PCDH15: variants seen among roughly 807,000 people sequenced by gnomAD.
PCDH15 encodes protocadherin-15.
A neutral mutation model predicts 178.5 loss-of-function variants in PCDH15; 129 were observed. The ratio of observed to expected loss-of-function variants is 0.72; its 90% CI spans 0.63 to 0.84. PCDH15 has a LOEUF of 0.84. Ranked by LOEUF, PCDH15 falls within the 40% of genes least tolerant of loss-of-function variation. The pLI is 0.00. For missense variants in PCDH15, 2,230 were observed against 2,099.9 expected (o/e 1.06, Z -1.21); for synonymous variants, 800 against 732.0 (o/e 1.09, Z -1.50).
At chr10:54,972,672 A>T (rs1397269161) in intron 2 of PCDH15, among the ~76,000 whole-genome samples, 1 of 151,700 alleles carries the variant, frequency 6.6e-6, no homozygotes, top group African/African-American at 2.4e-5. Flanking sequence ...ACATGGTGAA[A>T]CCCTGTCTCC....
At chr10:54,058,935 C>T (rs2093957809) in intron 18 of PCDH15, among the ~76,000 whole-genome samples, 2 of 152,080 alleles carry the variant, frequency 1.3e-5, no homozygotes, top group Non-Finnish European at 1.5e-5. Context: ...CTCAGATGAT[C>T]CACCCGCCTC....
chr10:54,764,051 C>T (rs1403890367), intron 1 of PCDH15, among the ~76,000 whole-genome samples: 3 of 151,530 alleles, frequency 2.0e-5, no homozygotes, highest in African/African-American at 7.3e-5. Context: ...GTCCTGGGCT[C>T]AACATGTAAT....
At chr10:55,283,458 C>A (rs552193026) in intron 1 of PCDH15, among the ~76,000 whole-genome samples, 1 of 152,132 alleles carries the variant, frequency 6.6e-6, no homozygotes, top group East Asian at 1.9e-4. Flanking sequence ...GAATTAAACT[C>A]TTTCTCTATT....
chr10:55,485,011 C>A (rs1406347540), intron 2 of PCDH15, among the ~76,000 whole-genome samples: 2 of 151,586 alleles, frequency 1.3e-5, no homozygotes, highest in South Asian at 2.1e-4. Context: ...AAAGAATAGG[C>A]AACAAAAGCA....
At chr10:55,460,644 T>C (rs540031609) in intron 2 of PCDH15, among the ~76,000 whole-genome samples, 2 of 152,186 alleles carry the variant, frequency 1.3e-5, no homozygotes, top group Non-Finnish European at 2.9e-5. Flanking sequence ...TTTTAATATA[T>C]TTATCTTCCA....
chr10:54,407,978 C>T (rs964300414), intron 3 of PCDH15, among the ~76,000 whole-genome samples: 1 of 142,650 alleles, frequency 7.0e-6, no homozygotes, highest in African/African-American at 2.6e-5. Context: ...TCACTTGAAC[C>T]CGGGAGGTGG....
chr10:54,382,911 T>C (rs369770671), intron 3 of PCDH15, among the ~76,000 whole-genome samples: 5 of 152,160 alleles, frequency 3.3e-5, no homozygotes, highest in East Asian at 3.9e-4. Flanking sequence ...CAGGATTTAA[T>C]GTCAAAAGAT....
chr10:55,369,025 A>G (rs1210202453), intron 2 of PCDH15, among the ~76,000 whole-genome samples: 4 of 150,534 alleles, frequency 2.7e-5, no homozygotes, highest in African/African-American at 9.7e-5. Context: ...AAAAAAAAAA[A>G]AAAAAAAACC....
At chr10:54,462,721 C>T (rs2077274117) in intron 3 of PCDH15, among the ~76,000 whole-genome samples, 1 of 101,574 alleles carries the variant, frequency 9.8e-6, no homozygotes, top group Non-Finnish European at 1.8e-5. Flanking sequence ...TAAGTAGAGA[C>T]AGGGTTTTGC....
At chr10:55,236,113 A>G (rs1015931749) in intron 1 of PCDH15, among the ~76,000 whole-genome samples, 5 of 151,860 alleles carry the variant, frequency 3.3e-5, no homozygotes, top group African/African-American at 1.2e-4. Context: ...TTAATTTGAA[A>G]GGTAGTTATA....
intron 11 of PCDH15, among the ~76,000 whole-genome samples, chr10:54,189,025 A>T (rs1429399075): frequency 6.6e-6 from 1 of 152,008 alleles, no homozygotes; most frequent in Admixed American, 6.6e-5. Flanking sequence ...TTTAGAAAAA[A>T]TGCCATGATA....
At chr10:55,135,040 G>A (rs1328754849) in intron 2 of PCDH15, among the ~76,000 whole-genome samples, 1 of 152,036 alleles carries the variant, frequency 6.6e-6, no homozygotes, top group African/African-American at 2.4e-5. Context: ...TCCTATATAA[G>A]CGCCATCAGG....
chr10:54,130,959 T>C (rs924023886), intron 15 of PCDH15, among the ~76,000 whole-genome samples: 5 of 152,206 alleles, frequency 3.3e-5, no homozygotes, highest in African/African-American at 1.2e-4. Flanking sequence ...GAAAAGTACC[T>C]TCATGGTATT....
At chr10:54,043,002 AT>A (rs35445855) in intron 18 of PCDH15, among the ~76,000 whole-genome samples, 84,926 of 151,834 alleles carry the variant, frequency 0.56, 23,899 homozygotes, top group Middle Eastern at 0.69. Context: ...AGATTTTGGA[AT>A]TTGCTAATTT....
chr10:55,583,881 T>A (rs1842672264), intron 2 of PCDH15, among the ~76,000 whole-genome samples: 1 of 151,964 alleles, frequency 6.6e-6, no homozygotes, highest in African/African-American at 2.4e-5. Flanking sequence ...ATATATACAA[T>A]TTTTTTGTTT....
chr10:54,955,711 G>T (rs1166891622), intron 2 of PCDH15, among the ~76,000 whole-genome samples: 6 of 151,164 alleles, frequency 4.0e-5, no homozygotes, highest in African/African-American at 1.5e-4. Flanking sequence ...CAAATAAAAT[G>T]ATTTTGTCAT....
chr10:55,029,007 G>A (rs1438457126), intron 2 of PCDH15, among the ~76,000 whole-genome samples: 4 of 151,644 alleles, frequency 2.6e-5, no homozygotes, highest in Admixed American at 6.6e-5. Context: ...CATAAACTTG[G>A]GAAACAATTA....
At chr10:55,323,240 G>A (rs1299667465), upstream of PCDH15, among the ~76,000 whole-genome samples, 1 of 152,190 alleles carries the variant, frequency 6.6e-6, no homozygotes, top group Non-Finnish European at 1.5e-5. Flanking sequence ...TTTGCTGCAG[G>A]GACAGGACCC....
At chr10:54,021,005 T>C in intron 19 of PCDH15, among the ~76,000 whole-genome samples, 1 of 152,032 alleles carries the variant, frequency 6.6e-6, no homozygotes, top group East Asian at 1.9e-4. Flanking sequence ...GAGTAGTAGT[T>C]ACGCACAAGG....
Sources: gnomAD v4.1 joint callset for allele counts (sites outside exome capture counted in the v4.1 genomes callset) on GRCh38, gnomAD v4.1.1 for gene constraint, MANE v1.5 for transcripts, NCBI Gene and HGNC (gene_info 2026-07-23, HGNC 2026-07-21) for gene names.